The following SGSM1 variants were observed in gnomAD, a reference collection of about 807,000 sequenced individuals.
SGSM1 encodes the protein small G protein signaling modulator 1, also known as RUN and TBC1 domain containing 2.
In SGSM1, 73 loss-of-function variants were observed where a neutral mutation model predicts 133.8. The observed-to-expected ratio is 0.55, with a 90% CI of 0.45 to 0.66. SGSM1 has a LOEUF of 0.66. Ranked by LOEUF, SGSM1 falls within the 30% of genes least tolerant of loss-of-function variation. The pLI is 0.00. For synonymous variants in SGSM1, 563 were observed against 573.0 expected (o/e 0.98, Z 0.25); for missense variants, 1,213 against 1,448.1 (o/e 0.84, Z 2.64).
At chr22:24,865,857 G>A (rs889677215) in intron 9 of SGSM1, among the ~76,000 whole-genome samples, 2 of 152,160 alleles carry the variant, frequency 1.3e-5, no homozygotes, top group African/African-American at 4.8e-5. Context: ...GGAAGTCTCC[G>A]GTGGACCATT....
At chr22:24,886,764 A>C (rs1407242727) in intron 16 of SGSM1, 36 bp downstream of exon 16, 1 of 1,558,338 alleles carries the variant, frequency 6.4e-7, no homozygotes, top group African/African-American at 1.4e-5. Flanking sequence ...GATCTTTGGC[A>C]ACAAAAGGAG....
At chr22:24,846,280 C>A (rs1319352622) in intron 3 of SGSM1, among the ~76,000 whole-genome samples, 2 of 151,678 alleles carry the variant, frequency 1.3e-5, no homozygotes, top group African/African-American at 2.4e-5. Context: ...TTCAAGCATT[C>A]CTCTCTCCTT....
chr22:24,832,524 T>G (rs1032857742), intron 2 of SGSM1, among the ~76,000 whole-genome samples: 6 of 152,136 alleles, frequency 3.9e-5, no homozygotes, highest in African/African-American at 1.4e-4. Flanking sequence ...AGGTATGAAA[T>G]AGAAACTGTC....
At chr22:24,845,432 C>T (rs946993949) in intron 3 of SGSM1, among the ~76,000 whole-genome samples, 8 of 152,278 alleles carry the variant, frequency 5.3e-5, no homozygotes, top group Non-Finnish European at 1.0e-4. Context: ...GACATGTCTC[C>T]TTGAACCAGC....
intron 2 of SGSM1, among the ~76,000 whole-genome samples, chr22:24,813,226 G>T (rs1458370793): frequency 6.6e-6 from 1 of 152,194 alleles, no homozygotes; most frequent in African/African-American, 2.4e-5. Context: ...GAGTAGAGAT[G>T]AGGTTTGAGA....
intron 2 of SGSM1, among the ~76,000 whole-genome samples, chr22:24,816,409 TTTTC>T (rs1333469594): frequency 7.9e-6 from 1 of 126,336 alleles, no homozygotes; most frequent in African/African-American, 2.6e-5. Flanking sequence ...GATTTCTTTT[TTTTC>T]TTTCTTTTTT....
At chr22:24,868,315 G>T in intron 10 of SGSM1, 61 bp from the exon 11 acceptor site, 2 of 1,555,754 alleles carry the variant, frequency 1.3e-6, no homozygotes, top group Non-Finnish European at 1.7e-6. Flanking sequence ...TGCAGGAAGG[G>T]GCTGTCACCG....
At chr22:24,849,799 G>A (rs1308146692) in intron 4 of SGSM1, among the ~76,000 whole-genome samples, 3 of 152,208 alleles carry the variant, frequency 2.0e-5, no homozygotes, top group Non-Finnish European at 4.4e-5. Flanking sequence ...CCAGGGAAAG[G>A]CTTCAGATGA....
chr22:24,890,979 A>G (rs1278417887), intron 16 of SGSM1, among the ~76,000 whole-genome samples: 2 of 152,246 alleles, frequency 1.3e-5, no homozygotes, highest in African/African-American at 2.4e-5. Context: ...GCCATAAACG[A>G]GAAGCCAGTA....
chr22:24,920,460 T>C (rs577905683), intron 24 of SGSM1, among the ~76,000 whole-genome samples: 4 of 152,306 alleles, frequency 2.6e-5, no homozygotes, highest in African/African-American at 9.6e-5. Context: ...CTGTGTGACT[T>C]TGTCCAAGTG....
At chr22:24,904,036 A>G (rs1022829128) in intron 20 of SGSM1, among the ~76,000 whole-genome samples, 1 of 151,848 alleles carries the variant, frequency 6.6e-6, no homozygotes, top group Non-Finnish European at 1.5e-5. Flanking sequence ...CATTTAGCAT[A>G]GAGGCTAAGA....
At chr22:24,876,347 T>G (rs1373694373) in intron 12 of SGSM1, among the ~76,000 whole-genome samples, 1 of 152,168 alleles carries the variant, frequency 6.6e-6, no homozygotes, top group African/African-American at 2.4e-5. Flanking sequence ...TGTCCTCTTC[T>G]TCTCTCTTTG....
chr22:24,841,342 A>T (rs1216021341), intron 2 of SGSM1, among the ~76,000 whole-genome samples: 1 of 152,218 alleles, frequency 6.6e-6, no homozygotes, highest in East Asian at 1.9e-4. Flanking sequence ...CATTTTTAAA[A>T]AAAATGTATG....
At chr22:24,868,881 G>T (rs769879050) in intron 12 of SGSM1, 26 bp downstream of exon 12, 2 of 1,610,580 alleles carry the variant, frequency 1.2e-6, no homozygotes, top group Non-Finnish European at 1.7e-6. Context: ...CCGGGCCCCG[G>T]GGAGTCACCT....
In SGSM1 at chr22:24,917,724, T is replaced by C; in HGVS notation, c.2995T>C (p.Tyr999His). ...NGDYTHFYFCYRWFLLDFKRE... is the reference protein window; with the variant it reads ...NGDYTHFYFCHRWFLLDFKRE... ...GGACTATACTCACTTCTACTTCTGC[T>C]ACCGCTGGTTCCTGCTGGATTTCAA... The change falls in exon 23 of 25, where the codon TAC becomes CAC. Residue 999 changes from tyrosine to histidine, a missense_variant. Transcript: ENST00000400358. 1 of 1,613,940 alleles carries C rather than the reference T, an allele frequency of 6.2e-7. No individual in the cohort carries two copies. The highest frequency in any genetic ancestry group is 8.5e-7 in the Non-Finnish European group (1 of 1,179,936).
In SGSM1 at chr22:24,816,002, G is replaced by C. The variant is rs1928051030; in HGVS notation, c.63+9518G>C. Among the ~76,000 whole-genome samples the C allele has an allele frequency of 2.0e-5, 3 of 152,152 alleles. No individual in the cohort carries two copies. In the South Asian group the frequency reaches 6.2e-4, roughly 32 times the overall value. On this transcript the variant is annotated intron_variant, in intron 2 of 24. Transcript: ENST00000400358. ...TATTCAAAAGAAACCATAAACATTA[G>C]TTCTATGGGATAGTTGGGCCAGTTT...
rs117881430 is a variant in SGSM1 at position 24,865,808 on chromosome 22, G to C, written c.927-1285G>C. On this transcript the variant is annotated intron_variant, in intron 9 of 24. Transcript: ENST00000400358. ...GGAAGGTTGGGCAGAAGGAGTCTGA[G>C]ACACAGCATGGCTCTAAGAACATTT... Among the ~76,000 whole-genome samples, 24 of 152,340 alleles carry C rather than the reference G, an allele frequency of 1.6e-4. 2 individuals are homozygous for C. In the East Asian group the frequency reaches 3.9e-3, roughly 25 times the overall value.
At chr22:24,891,447 G>A (rs1020443743) in intron 16 of SGSM1, among the ~76,000 whole-genome samples, 2 of 152,174 alleles carry the variant, frequency 1.3e-5, no homozygotes, top group Non-Finnish European at 2.9e-5. Flanking sequence ...TCTCCCTGGG[G>A]TAATCAGAAA....
At chr22:24,854,909 G>A (rs1930678902) in intron 5 of SGSM1, 87 bp from the exon 6 acceptor site, 2 of 1,041,914 alleles carry the variant, frequency 1.9e-6, no homozygotes, top group African/African-American at 1.6e-5. Flanking sequence ...TGGTAACCGA[G>A]TGACACTGGG....
Sources: gnomAD v4.1 joint callset for allele counts (sites outside exome capture counted in the v4.1 genomes callset) on GRCh38, gnomAD v4.1.1 for gene constraint, MANE v1.5 for transcripts, NCBI Gene and HGNC (gene_info 2026-07-23, HGNC 2026-07-21) for gene names.